SP100: variants seen among roughly 807,000 people sequenced by gnomAD.
The protein encoded by SP100 is nuclear autoantigen Sp-100.
SP100 carries 84 observed loss-of-function variants against 130.0 expected under a neutral mutation model. The ratio of observed to expected loss-of-function variants is 0.65; its 90% CI spans 0.54 to 0.77. The LOEUF is 0.77. SP100 is among the 30% of genes least tolerant of loss of function. The probability of loss-of-function intolerance (pLI) is 0.00; values close to 1 mark genes in which losing one functional copy is unlikely to be tolerated. For synonymous variants in SP100, 331 were observed against 351.7 expected, an observed-to-expected ratio of 0.94 and a Z score of 0.66; for missense variants, 978 against 1,052.2, an observed-to-expected ratio of 0.93 and a Z score of 0.97.
intron 24 of SP100, among the ~76,000 whole-genome samples, chr2:230,513,373 AT>A (rs1185599594): frequency 1.3e-5 from 2 of 152,238 alleles, no homozygotes; most frequent in Non-Finnish European, 1.5e-5. Context: ...TGTGTCAACA[AT>A]TTGAGAGACT....
intron 15 of SP100, 83 bp downstream of exon 15, chr2:230,470,181 A>T: frequency 6.6e-7 from 1 of 1,526,230 alleles, no homozygotes; most frequent in Non-Finnish European, 8.8e-7. Context: ...GACGCTTTTT[A>T]TTCTGAGCAC....
chr2:230,438,785 G>T (rs1056753737), intron 2 of SP100, among the ~76,000 whole-genome samples: 5 of 151,640 alleles, frequency 3.3e-5, no homozygotes, highest in Admixed American at 3.3e-4. Context: ...ATTTAGGCTT[G>T]TTCCACATTT....
chr2:230,450,035 T>G, intron 7 of SP100, 137 bp from the exon 8 acceptor site: 1 of 655,576 alleles, frequency 1.5e-6, no homozygotes, highest in South Asian at 2.0e-5. Flanking sequence ...ACGAACACCT[T>G]CACGCAGCAA....
chr2:230,429,923 A>G (rs935466432), intron 2 of SP100, among the ~76,000 whole-genome samples: 3 of 152,120 alleles, frequency 2.0e-5, no homozygotes, highest in Non-Finnish European at 4.4e-5. Flanking sequence ...TTTAAAGAGA[A>G]TTATTCTGAA....
chr2:230,466,466 A>G, intron 12 of SP100, 112 bp downstream of exon 12: 1 of 652,878 alleles, frequency 1.5e-6, no homozygotes, highest in Non-Finnish European at 2.7e-6. Context: ...ATATCCTTCA[A>G]AGTAAAATAT....
At position 230,453,126 on chromosome 2, in the gene SP100, A is replaced by C. The variant is rs58591072; in HGVS notation, c.820+2871A>C. ...CTCAGGAAACTTACGATCATGGCAG[A>C]AAAGGGGAAGCAAACACGTCCTTCT... On this transcript the variant is annotated intron_variant, in intron 8 of 28. Transcript: ENST00000340126. Among the ~76,000 whole-genome samples, 151 of 152,310 alleles carry C rather than the reference A, an allele frequency of 9.9e-4. 1 individual carries two copies. Among genetic ancestry groups the C allele is most frequent in the African/African-American group, 3.4e-3 (140 of 41,562 alleles).
Position 230,464,067 on chromosome 2 carries a change from T to G in SP100, c.1058T>G (p.Val353Gly), listed in dbSNP as rs769567992. ...VFISAPRSEP[V>G]INNDNPLESN... Reference sequence around the variant, plus strand: ...TAAAGAATCCCATTCTTTTGTGCAGTGATCAATAATGACAACCCTTTAGAA... The same window carrying G: ...TAAAGAATCCCATTCTTTTGTGCAGGGATCAATAATGACAACCCTTTAGAA... Residue 353 changes from valine (V) to glycine (G), a missense_variant and splice_region_variant, in exon 11 of 29, where the codon GTG becomes GGG. Transcript: ENST00000340126. 2 of 1,606,604 alleles carry G rather than the reference T, an allele frequency of 1.2e-6. No individual in the cohort carries two copies. Among genetic ancestry groups the G allele is most frequent in the East Asian group, 4.5e-5 (2 of 44,840 alleles).
In SP100 at chr2:230,545,595, TTAA is replaced by T. The variant is rs1170627028; in HGVS notation, c.*2656_*2658del. ...AATAAATGGATCATTAAAAAAAATT[TTAA>T]TAATAAAATTGTCTTATCAAGTTCT... On this transcript the variant is annotated 3_prime_UTR_variant, in exon 29 of 29. Coordinates refer to ENST00000340126, the MANE Select transcript of SP100 (RefSeq NM_001080391.2). Among the ~76,000 whole-genome samples the T allele has an allele frequency of 6.6e-6, 1 of 152,164 alleles. No individual in the cohort carries two copies. Among genetic ancestry groups the T allele is most frequent in the Non-Finnish European group, 1.5e-5 (1 of 68,022 alleles).
chr2:230,505,579 A>T (rs181282743), intron 21 of SP100, among the ~76,000 whole-genome samples: 82 of 152,224 alleles, frequency 5.4e-4, no homozygotes, highest in Middle Eastern at 3.4e-3. Context: ...AGAAAAAAAT[A>T]AAAAAACAGA....
At chr2:230,474,471 TA>T in intron 17 of SP100, 24 bp downstream of exon 17, 1 of 1,081,250 alleles carries the variant, frequency 9.2e-7, no homozygotes, top group South Asian at 1.4e-5. Context: ...AGAATTTACT[TA>T]ATTTTTATGT....
intron 24 of SP100, chr2:230,515,500 G>A (rs1465903242): frequency 3.1e-6 from 5 of 1,612,074 alleles, no homozygotes; most frequent in African/African-American, 2.7e-5. Flanking sequence ...AAAGGATATT[G>A]CTGCATATCG....
chr2:230,498,932 C>T (rs1233178532), intron 19 of SP100, among the ~76,000 whole-genome samples: 1 of 152,188 alleles, frequency 6.6e-6, no homozygotes, highest in Non-Finnish European at 1.5e-5. Flanking sequence ...AAGTAAATTA[C>T]AGTTTACTCA....
At chr2:230,512,276 CTTTTTTTTTTTTT>C (rs34753799) in intron 24 of SP100, among the ~76,000 whole-genome samples, 116 of 76,110 alleles carry the variant, frequency 1.5e-3, no homozygotes, top group South Asian at 0.012. Flanking sequence ...ATTGAAATGC[CTTTTTTTTTTTTT>C]TTTTTTTTTT....
intron 2 of SP100, among the ~76,000 whole-genome samples, chr2:230,423,090 C>A (rs954559013): frequency 1.3e-5 from 2 of 152,134 alleles, no homozygotes; most frequent in African/African-American, 4.8e-5. Flanking sequence ...TGAAAGATTG[C>A]AGAAAATTGT....
At chr2:230,490,733 C>G (rs571802976) in intron 17 of SP100, among the ~76,000 whole-genome samples, 53 of 152,204 alleles carry the variant, frequency 3.5e-4, no homozygotes, top group African/African-American at 1.3e-3. Context: ...ATTTTATTCC[C>G]CCTTCACTTG....
intron 8 of SP100, among the ~76,000 whole-genome samples, chr2:230,460,024 G>C (rs1186417770): frequency 1.3e-5 from 2 of 152,084 alleles, no homozygotes; most frequent in Non-Finnish European, 2.9e-5. Context: ...TTTACTTACT[G>C]GAATTTGCCA....
chr2:230,492,818 G>A (rs990662911), intron 17 of SP100, among the ~76,000 whole-genome samples: 1 of 152,236 alleles, frequency 6.6e-6, no homozygotes, highest in African/African-American at 2.4e-5. Flanking sequence ...AAAATTATGT[G>A]TTTGTGTTAT....
intron 15 of SP100, among the ~76,000 whole-genome samples, chr2:230,470,894 CTGTG>C (rs145760487): frequency 4.0e-4 from 60 of 149,986 alleles, no homozygotes; most frequent in Middle Eastern, 3.4e-3. Context: ...TTAACAACCA[CTGTG>C]TGTGTGTGTG....
rs2065129585 is a variant in SP100, at chr2:230,469,063, A to C, written c.1312A>C (p.Thr438Pro). Residue 438 changes from threonine to proline, a missense_variant, in exon 14 of 29, where the codon ACA becomes CCA. By Grantham distance (38) the Thr-to-Pro change is conservative. Transcript: ENST00000340126. ...GEKAPMTSRSTSTWRIPSRKR... is the reference protein window; with the variant it reads ...GEKAPMTSRSPSTWRIPSRKR... Reference sequence around the variant, plus strand: ...TCTAGCTCCTATGACTTCTAGAAGTACATCTACTTGGAGAATACCCAGCAG... The same window carrying C: ...TCTAGCTCCTATGACTTCTAGAAGTCCATCTACTTGGAGAATACCCAGCAG... The C allele has an allele frequency of 6.3e-7, 1 of 1,597,316 alleles. No homozygotes were observed. The highest frequency in any genetic ancestry group is 1.3e-5 in the African/African-American group (1 of 74,592).
Sources: gnomAD v4.1 joint callset for allele counts (sites outside exome capture counted in the v4.1 genomes callset) on GRCh38, gnomAD v4.1.1 for gene constraint, MANE v1.5 for transcripts, NCBI Gene and HGNC (gene_info 2026-07-23, HGNC 2026-07-21) for gene names.